The following TRMT9B variants were observed in gnomAD, a reference collection of about 807,000 sequenced individuals.
The protein encoded by TRMT9B is tRNA methyltransferase 9B (putative), also known as probable tRNA methyltransferase 9B.
A neutral mutation model predicts 11.5 loss-of-function variants in TRMT9B; 16 were observed. The observed-to-expected ratio is 1.39, with a 90% CI of 0.94 to 2.11. TRMT9B has a LOEUF of 2.11. Ranked by LOEUF, TRMT9B falls within the 30% of genes most tolerant of loss-of-function variation. TRMT9B has a pLI of 0.00. For missense variants in TRMT9B, 941 were observed against 553.8 expected (o/e 1.70, Z -7.02); for synonymous variants, 274 against 192.4 (o/e 1.42, Z -3.51).
At chr8:12,955,555 C>T (rs866828824) in intron 1 of TRMT9B, among the ~76,000 whole-genome samples, 10 of 152,264 alleles carry the variant, frequency 6.6e-5, no homozygotes, top group Middle Eastern at 3.4e-3. Context: ...AAGGTGCAGC[C>T]TATGAACTTC....
At chr8:12,993,741 C>G (rs1200141917) in intron 2 of TRMT9B, among the ~76,000 whole-genome samples, 1 of 152,220 alleles carries the variant, frequency 6.6e-6, no homozygotes, top group Non-Finnish European at 1.5e-5. Flanking sequence ...GTTGGCAACC[C>G]TAGTGGCCAT....
chr8:13,011,319 T>A (rs1446973891), intron 3 of TRMT9B: 1 of 985,226 alleles, frequency 1.0e-6, no homozygotes, highest in African/African-American at 1.7e-5. Context: ...TATTCTCCAC[T>A]GTCTCAGCTG....
intron 1 of TRMT9B, among the ~76,000 whole-genome samples, chr8:12,968,197 A>G (rs1334308039): frequency 6.6e-6 from 1 of 152,238 alleles, no homozygotes; most frequent in Non-Finnish European, 1.5e-5. Context: ...GTGCTATTTT[A>G]AATGAAATAC....
intron 1 of TRMT9B, among the ~76,000 whole-genome samples, chr8:12,956,356 T>C (rs1801309839): frequency 6.6e-6 from 1 of 152,222 alleles, no homozygotes; most frequent in African/African-American, 2.4e-5. Context: ...TTAAAGGAGC[T>C]AGTTGCTAAC....
At chr8:12,961,638 T>A (rs1266476893) in intron 1 of TRMT9B, 1 of 148,648 alleles carries the variant, frequency 6.7e-6, no homozygotes, top group Non-Finnish European at 1.5e-5. Context: ...GAGGCGGAGC[T>A]TGCAGTGAGC....
At position 12,952,580 on chromosome 8, in the gene TRMT9B, G is replaced by A. The variant is rs776249960; in HGVS notation, c.-200+6614G>A. The A allele has an allele frequency of 2.4e-5, 12 of 499,180 alleles. No individual in the cohort carries two copies. In the Admixed American group the frequency reaches 2.5e-4, roughly 11 times the overall value. 30.9% of individuals were successfully genotyped at this position (499,180 alleles called of 1,614,324 possible). A position where few individuals can be genotyped will look rare whatever the true frequency, so the allele number is the denominator to read the frequency against. On this transcript the variant is annotated intron_variant, in intron 1 of 4. Coordinates refer to ENST00000524591, the MANE Select transcript of TRMT9B (RefSeq NM_020844.3). Reference sequence around the variant, plus strand: ...TCGTATTTTTTCATGGAGTGCACGTGTATCTTTCCCTGGGGAACTGATTTT... The same window carrying A: ...TCGTATTTTTTCATGGAGTGCACGTATATCTTTCCCTGGGGAACTGATTTT...
At chr8:12,982,166 T>C (rs944091107) in intron 1 of TRMT9B, among the ~76,000 whole-genome samples, 2 of 152,216 alleles carry the variant, frequency 1.3e-5, no homozygotes, top group African/African-American at 4.8e-5. Flanking sequence ...AGTTGTCCCT[T>C]TGAGATTTTT....
At chr8:12,975,002 C>T (rs1259192927) in intron 1 of TRMT9B, among the ~76,000 whole-genome samples, 1 of 150,496 alleles carries the variant, frequency 6.6e-6, no homozygotes, top group African/African-American at 2.4e-5. Context: ...GGATCATGGT[C>T]TGTGGTCATA....
intron 1 of TRMT9B, among the ~76,000 whole-genome samples, chr8:12,948,633 A>G (rs1800381916): frequency 6.6e-6 from 1 of 151,678 alleles, no homozygotes; most frequent in Admixed American, 6.6e-5. Flanking sequence ...TTAGTTAACT[A>G]AGCAACACAC....
chr8:12,952,240 G>A (rs911817316), intron 1 of TRMT9B: 4 of 438,278 alleles, frequency 9.1e-6, no homozygotes, highest in African/African-American at 8.2e-5. Flanking sequence ...TAGGGGAGCG[G>A]AGAGAAGCTT....
chr8:13,018,572 G>C (rs888045186), intron 4 of TRMT9B, among the ~76,000 whole-genome samples: 1 of 152,006 alleles, frequency 6.6e-6, no homozygotes, highest in Middle Eastern at 3.2e-3. Flanking sequence ...ATCTACAGTA[G>C]TCATGTTCTA....
chr8:12,993,934 CG>C (rs1434045988), intron 2 of TRMT9B, among the ~76,000 whole-genome samples: 1 of 152,212 alleles, frequency 6.6e-6, no homozygotes, highest in Non-Finnish European at 1.5e-5. Flanking sequence ...AACTAAACCT[CG>C]GGAAAGTTAC....
At chr8:13,000,620 G>C (rs1477556113) in intron 2 of TRMT9B, among the ~76,000 whole-genome samples, 2 of 152,060 alleles carry the variant, frequency 1.3e-5, no homozygotes, top group African/African-American at 4.8e-5. Context: ...TCACATTTAC[G>C]ATTTCTTTTG....
intron 1 of TRMT9B, among the ~76,000 whole-genome samples, chr8:12,968,430 C>G (rs1210695089): frequency 6.6e-6 from 1 of 152,142 alleles, no homozygotes; most frequent in Non-Finnish European, 1.5e-5. Context: ...CAGACATTAT[C>G]CAGTGACAGA....
intron 1 of TRMT9B, among the ~76,000 whole-genome samples, chr8:12,966,727 T>C (rs1802873795): frequency 6.6e-6 from 1 of 152,222 alleles, no homozygotes; most frequent in East Asian, 1.9e-4. Flanking sequence ...AACTGGATGC[T>C]GTGGGAACTC....
chr8:12,974,642 A>G (rs1034261405), intron 1 of TRMT9B, among the ~76,000 whole-genome samples: 3 of 150,998 alleles, frequency 2.0e-5, no homozygotes, highest in Non-Finnish European at 4.4e-5. Context: ...GGCAGTCTGG[A>G]GTACTGCCTG....
At position 13,024,851 on chromosome 8, in the gene TRMT9B, C is replaced by CT. The variant is rs1563477411; in HGVS notation, c.*2808dup. 6.0e-6 allele frequency: 1 copy of CT among 166,920 alleles called. No individual in the cohort carries two copies. The highest frequency in any genetic ancestry group is 2.4e-5 in the African/African-American group (1 of 41,430). 10.3% of individuals were successfully genotyped at this position (166,920 alleles called of 1,614,324 possible). The stretch of plus-strand genomic sequence containing the variant: ...TATTTAATTTGGTGATTGATAATCT[C>CT]TCTTTGGGGTAGTCACATGGAAAGC... On this transcript the variant is annotated 3_prime_UTR_variant, in exon 5 of 5. Coordinates refer to ENST00000524591, the MANE Select transcript of TRMT9B (RefSeq NM_020844.3).
chr8:12,956,906 C>T (rs1801391199), intron 1 of TRMT9B, among the ~76,000 whole-genome samples: 1 of 152,144 alleles, frequency 6.6e-6, no homozygotes, highest in African/African-American at 2.4e-5. Flanking sequence ...CAGTAAATTA[C>T]CAGTTTATTT....
chr8:12,950,060 C>T (rs1442536656), intron 1 of TRMT9B, among the ~76,000 whole-genome samples: 1 of 152,092 alleles, frequency 6.6e-6, no homozygotes, highest in Non-Finnish European at 1.5e-5. Flanking sequence ...CACTATGTTG[C>T]CCAAGCTGGT....
Sources: gnomAD v4.1 joint callset for allele counts (sites outside exome capture counted in the v4.1 genomes callset) on GRCh38, gnomAD v4.1.1 for gene constraint, MANE v1.5 for transcripts, NCBI Gene and HGNC (gene_info 2026-07-23, HGNC 2026-07-21) for gene names.